The following RIPOR2 variants were observed in gnomAD, a reference collection of about 807,000 sequenced individuals.
RIPOR2 encodes rho family-interacting cell polarization regulator 2.
Under a neutral mutation model 114.5 loss-of-function variants are expected in RIPOR2, and 39 were observed. That is an observed-to-expected ratio of 0.34 (90% CI 0.26 to 0.44). The LOEUF (loss-of-function observed/expected upper bound fraction) is 0.44, where lower values mean the gene tolerates loss of function less well. Among genes scored for constraint, RIPOR2 ranks in the 20% least tolerant of loss-of-function variants. The pLI, the probability that RIPOR2 is intolerant of heterozygous loss-of-function variation, is 1.00. For missense variants in RIPOR2, 1,007 were observed against 1,255.1 expected (o/e 0.80, Z 2.99); for synonymous variants, 445 against 484.4 (o/e 0.92, Z 1.07).
chr6:24,870,613 C>A (rs890562476), intron 5 of RIPOR2, among the ~76,000 whole-genome samples: 2 of 152,148 alleles, frequency 1.3e-5, no homozygotes, highest in Non-Finnish European at 2.9e-5. Flanking sequence ...TTCAGGTGAT[C>A]CTCCCACCTC....
At chr6:25,019,095 G>A (rs148089049) in intron 1 of RIPOR2, among the ~76,000 whole-genome samples, 322 of 152,142 alleles carry the variant, frequency 2.1e-3, no homozygotes, top group African/African-American at 6.0e-3. Context: ...AATAGTGTCC[G>A]GCAACCTTCA....
intron 1 of RIPOR2, among the ~76,000 whole-genome samples, chr6:25,019,506 AC>A (rs1427840394): frequency 2.6e-5 from 4 of 152,298 alleles, no homozygotes; most frequent in African/African-American, 7.2e-5. Flanking sequence ...GCGGTGGCTC[AC>A]GCCTGTAATC....
At chr6:25,021,226 C>A (rs1265107957) in intron 1 of RIPOR2, among the ~76,000 whole-genome samples, 1 of 151,992 alleles carries the variant, frequency 6.6e-6, no homozygotes, top group Non-Finnish European at 1.5e-5. Context: ...GATGATAGAA[C>A]TGAGATGAGG....
At chr6:24,939,088 C>G (rs934453431), upstream of RIPOR2, among the ~76,000 whole-genome samples, 3 of 152,154 alleles carry the variant, frequency 2.0e-5, no homozygotes, top group Non-Finnish European at 2.9e-5. Context: ...ATTCCTATAT[C>G]AACCCTAAGA....
intron 1 of RIPOR2, chr6:24,976,447 T>A (rs574943205): frequency 6.4e-7 from 1 of 1,566,350 alleles, no homozygotes; most frequent in African/African-American, 1.4e-5. Context: ...TTCTTCGACA[T>A]TGCCGTCGAC....
At position 24,858,749 on chromosome 6, in the gene RIPOR2, A is replaced by T. The variant is rs1471376589; in HGVS notation, c.715+2224T>A. ...AACATCAGGCAGGAGAGCAAGAACA[A>T]CAGAGAGAGGAGGAGATGGAGGAGC... On this transcript the variant is annotated intron_variant, in intron 8 of 21. Transcript: ENST00000643898. The surrounding 1 kb of genome is among the most constrained non-coding windows in gnomAD (Gnocchi z 4.0). Among the ~76,000 whole-genome samples, 1 of 152,158 alleles carries T rather than the reference A, an allele frequency of 6.6e-6. No individual in the cohort carries two copies. The highest frequency in any genetic ancestry group is 2.4e-5 in the African/African-American group (1 of 41,442).
intron 1 of RIPOR2, among the ~76,000 whole-genome samples, chr6:24,987,555 CA>C (rs1316918430): frequency 1.3e-5 from 2 of 152,102 alleles, no homozygotes; most frequent in African/African-American, 4.8e-5. Context: ...TATTTTGAAA[CA>C]CATAAGGAGA....
intron 19 of RIPOR2, among the ~76,000 whole-genome samples, chr6:24,824,526 C>T (rs539651461): frequency 8.5e-5 from 13 of 152,284 alleles, no homozygotes; most frequent in African/African-American, 2.9e-4. Context: ...TTGTAAAGGG[C>T]TCCCAGGGGA....
chr6:25,006,020 C>T (rs1402730040), intron 1 of RIPOR2, among the ~76,000 whole-genome samples: 1 of 151,980 alleles, frequency 6.6e-6, no homozygotes, highest in Admixed American at 6.6e-5. Flanking sequence ...AATTTTGAAT[C>T]CTTACTTTAA....
chr6:25,019,855 C>A (rs1274600556), intron 1 of RIPOR2, among the ~76,000 whole-genome samples: 2 of 148,136 alleles, frequency 1.4e-5, no homozygotes, highest in South Asian at 2.1e-4. Context: ...TGATAATATA[C>A]TGTAGCTACC....
intron 21 of RIPOR2, among the ~76,000 whole-genome samples, chr6:24,807,380 G>A (rs765967897): frequency 3.9e-5 from 6 of 152,212 alleles, no homozygotes; most frequent in Non-Finnish European, 7.3e-5. Flanking sequence ...GGCTGAGGCA[G>A]GAGAATTGCT....
At position 24,892,309 on chromosome 6, in the gene RIPOR2, C is replaced by T. The variant is rs112351299; in HGVS notation, c.62-16492G>A. Among the ~76,000 whole-genome samples, 327 of 152,116 alleles carry T rather than the reference C, an allele frequency of 2.1e-3. 1 individual carries two copies. Among genetic ancestry groups the T allele is most frequent in the African/African-American group, 7.5e-3 (310 of 41,470 alleles). On this transcript the variant is annotated intron_variant, in intron 1 of 21. Transcript: ENST00000643898. ...TAAGAGACAAGGTCTTACTGTGTTGCCCAGGCTGGATAGTATAATGGCGCA... is the reference window on the plus strand; with the variant it reads ...TAAGAGACAAGGTCTTACTGTGTTGTCCAGGCTGGATAGTATAATGGCGCA...
At chr6:24,890,390 A>G (rs895364820) in intron 1 of RIPOR2, among the ~76,000 whole-genome samples, 1 of 152,232 alleles carries the variant, frequency 6.6e-6, no homozygotes, top group Non-Finnish European at 1.5e-5. Context: ...AAGTGAAACA[A>G]CTCAGACACA....
At chr6:24,895,033 AATT>A (rs1331136551) in intron 1 of RIPOR2, among the ~76,000 whole-genome samples, 1 of 152,070 alleles carries the variant, frequency 6.6e-6, no homozygotes, top group Non-Finnish European at 1.5e-5. Context: ...CGTATCTTAG[AATT>A]ACCTGGGCAG....
At chr6:24,901,124 G>A (rs771726413) in intron 1 of RIPOR2, among the ~76,000 whole-genome samples, 59 of 152,062 alleles carry the variant, frequency 3.9e-4, no homozygotes, top group Non-Finnish European at 6.6e-4. Context: ...ACCATATGCA[G>A]AATCTTATGT....
chr6:24,827,815 A>G (rs1760321837), intron 18 of RIPOR2, among the ~76,000 whole-genome samples: 1 of 152,230 alleles, frequency 6.6e-6, no homozygotes, highest in African/African-American at 2.4e-5. Flanking sequence ...AATATAAAAT[A>G]GTATTGCCTG....
At chr6:25,002,794 C>T (rs1269858816) in intron 1 of RIPOR2, among the ~76,000 whole-genome samples, 1 of 152,236 alleles carries the variant, frequency 6.6e-6, no homozygotes, top group Non-Finnish European at 1.5e-5. Context: ...AGGAAAGTGG[C>T]AGTCCGAGGT....
intron 1 of RIPOR2, among the ~76,000 whole-genome samples, chr6:24,997,868 T>A (rs1420855656): frequency 6.6e-6 from 1 of 152,142 alleles, no homozygotes; most frequent in Non-Finnish European, 1.5e-5. Context: ...TTGTTGGAAA[T>A]ACATCCTCAG....
Position 24,843,059 on chromosome 6 carries a change from C to G in RIPOR2, c.1660G>C (p.Glu554Gln), listed in dbSNP as rs202204524. 104 of 1,613,776 alleles carry G rather than the reference C, an allele frequency of 6.4e-5. No individual in the cohort carries two copies. The highest frequency in any genetic ancestry group is 1.6e-4 in the Middle Eastern group (1 of 6,078). ...KQLVKRLTSA[E>Q]VPMATDRLLS... is the part of the protein sequence containing the mutation. The stretch of plus-strand genomic sequence containing the variant: ...AGCCTGTCTGTGGCCATTGGCACCT[C>G]TGCAGATGTGAGCCTCTTGACCAGC... Residue 554 changes from glutamate (E) to glutamine (Q), a missense_variant, in exon 13 of 22, where the codon GAG (glutamate) becomes CAG (glutamine). Coordinates refer to ENST00000643898, the MANE Select transcript of RIPOR2 (RefSeq NM_001286445.3).
Sources: gnomAD v4.1 joint callset for allele counts (sites outside exome capture counted in the v4.1 genomes callset) on GRCh38, gnomAD v4.1.1 for gene constraint, Gnocchi (gnomAD v3.1) non-coding constraint, MANE v1.5 for transcripts, NCBI Gene and HGNC (gene_info 2026-07-23, HGNC 2026-07-21) for gene names.